The following POLR3G variants were observed in gnomAD, a reference collection of about 807,000 sequenced individuals.
The protein encoded by POLR3G is DNA-directed RNA polymerase III subunit RPC7.
In POLR3G, 28 loss-of-function variants were observed where a neutral mutation model predicts 30.1. That is an observed-to-expected ratio of 0.93 (90% CI 0.69 to 1.27). POLR3G has a LOEUF of 1.27. Among genes scored for constraint, POLR3G ranks in the 50% most tolerant of loss-of-function variants. The pLI is 0.00. For missense variants in POLR3G, 254 were observed against 264.6 expected, an observed-to-expected ratio of 0.96 and a Z score of 0.28; for synonymous variants, 79 against 82.5, an observed-to-expected ratio of 0.96 and a Z score of 0.23.
At chr5:90,495,500 A>C (rs1751937419) in intron 3 of POLR3G, among the ~76,000 whole-genome samples, 177 bp from the exon 4 acceptor site, 2 of 152,308 alleles carry the variant, frequency 1.3e-5, no homozygotes, top group South Asian at 4.1e-4. Flanking sequence ...CCCCTCACCA[A>C]GTCCATCCTT....
In POLR3G at chr5:90,512,741, T is replaced by G. The variant is rs1752796842; in HGVS notation, c.*602T>G. On this transcript the variant is annotated 3_prime_UTR_variant, in exon 8 of 8. Coordinates refer to ENST00000651687, the MANE Select transcript of POLR3G (RefSeq NM_006467.3). ...AACTGAGCAATATAAATTTCACAGC[T>G]CACATCTTAGCCAGTACAAAGAAAC... is the stretch of plus-strand genomic sequence containing the variant. 1 of 152,516 alleles carries G rather than the reference T, an allele frequency of 6.6e-6. No homozygotes were observed. The highest frequency in any genetic ancestry group is 2.4e-5 in the African/African-American group (1 of 41,426). The allele number at this position is 152,516 out of a possible 1,614,324, so 9.4% of individuals were successfully genotyped here.
chr5:90,501,955 C>T lies in POLR3G; in HGVS notation c.405C>T (p.Leu135=), dbSNP rs1198920184. 2 of 1,613,422 alleles carry T rather than the reference C, an allele frequency of 1.2e-6. No individual in the cohort carries two copies. Among genetic ancestry groups the T allele is most frequent in the Non-Finnish European group, 8.5e-7 (1 of 1,179,598 alleles). ...AAGACGCAGGCAAAGGCACACCACT[C>T]ACTAATACTGAAGATGTGTTGAAAA... ...KAKDAGKGTP[L]TNTEDVLKKM... Residue 135 remains leucine (L), a synonymous_variant, in exon 6 of 8, where the codon CTC becomes CTT. Transcript: ENST00000651687.
chr5:90,483,013 G>A (rs1014678859), intron 1 of POLR3G, among the ~76,000 whole-genome samples: 2 of 151,968 alleles, frequency 1.3e-5, no homozygotes, highest in Non-Finnish European at 2.9e-5. Flanking sequence ...GGTGGCGCAC[G>A]CCTGTAATCT....
At chr5:90,483,259 A>G (rs1751240924) in intron 1 of POLR3G, among the ~76,000 whole-genome samples, 1 of 151,932 alleles carries the variant, frequency 6.6e-6, no homozygotes, top group Non-Finnish European at 1.5e-5. Context: ...CTCTTTCTGT[A>G]TTGCAATTCC....
intron 6 of POLR3G, chr5:90,502,219 T>C (rs2151912401): frequency 1.0e-6 from 1 of 984,984 alleles, no homozygotes; most frequent in Admixed American, 6.1e-5. Context: ...CCTCACCTTC[T>C]GTCACCTCTT....
chr5:90,503,390 CA>C (rs1221591497), intron 6 of POLR3G, among the ~76,000 whole-genome samples: 1 of 152,164 alleles, frequency 6.6e-6, no homozygotes, highest in Non-Finnish European at 1.5e-5. Context: ...GATGAAGGAG[CA>C]GTGATAACTG....
chr5:90,512,043 T>C lies in POLR3G; in HGVS notation c.586-10T>C, dbSNP rs757944986. 4 of 1,558,538 alleles carry C rather than the reference T, an allele frequency of 2.6e-6. No individual in the cohort carries two copies. The highest frequency in any genetic ancestry group is 3.5e-6 in the Non-Finnish European group (4 of 1,129,932). On this transcript the variant is annotated splice_polypyrimidine_tract_variant and intron_variant, in intron 7 of 7. Transcript: ENST00000651687. ...TTAACGTTTACAAAGGAATATATCA[T>C]TTCACTTAGGAAAATGACTACATTA...
At chr5:90,488,834 CATT>C (rs1751579384) in intron 3 of POLR3G, among the ~76,000 whole-genome samples, 1 of 152,004 alleles carries the variant, frequency 6.6e-6, no homozygotes, top group African/African-American at 2.4e-5. Context: ...AGAAAGGAAA[CATT>C]ATAGTTGGAG....
chr5:90,495,493 C>T (rs1288511305), intron 3 of POLR3G, among the ~76,000 whole-genome samples, 184 bp from the exon 4 acceptor site: 1 of 152,198 alleles, frequency 6.6e-6, no homozygotes, highest in Non-Finnish European at 1.5e-5. Context: ...TCAGTAACCC[C>T]TCACCAAGTC....
chr5:90,489,471 T>A (rs1751613528), intron 3 of POLR3G, among the ~76,000 whole-genome samples: 1 of 151,854 alleles, frequency 6.6e-6, no homozygotes, highest in Admixed American at 6.6e-5. Flanking sequence ...CCATGTTGGC[T>A]AGGCTGGTCT....
At chr5:90,504,455 G>A (rs1037094005) in intron 6 of POLR3G, among the ~76,000 whole-genome samples, 13 of 151,920 alleles carry the variant, frequency 8.6e-5, no homozygotes, top group Admixed American at 2.6e-4. Flanking sequence ...CCAGTTACTC[G>A]GGAGGCTGAG....
chr5:90,504,915 A>G (rs1358097747), intron 6 of POLR3G, among the ~76,000 whole-genome samples: 2 of 152,218 alleles, frequency 1.3e-5, no homozygotes, highest in African/African-American at 4.8e-5. Flanking sequence ...TAACTCATAT[A>G]AGACAACATA....
At chr5:90,506,791 A>G in intron 7 of POLR3G, 117 bp downstream of exon 7, 1 of 1,361,696 alleles carries the variant, frequency 7.3e-7, no homozygotes, top group Non-Finnish European at 9.6e-7. Flanking sequence ...AACCAGAAGT[A>G]TATTATTATC....
In POLR3G at chr5:90,513,707, T is replaced by C. The variant is rs1187103831; in HGVS notation, c.*1568T>C. On this transcript the variant is annotated 3_prime_UTR_variant, in exon 8 of 8. Coordinates refer to ENST00000651687, the MANE Select transcript of POLR3G (RefSeq NM_006467.3). ...AATTCAAGATGGGTGTGAGGACCTA[T>C]CTTATTAGTTTAGTGCTGTGTTAAC... 1.3e-5 allele frequency: 2 copies of C among 152,338 alleles called. No homozygotes were observed. The highest frequency in any genetic ancestry group is 2.9e-5 in the Non-Finnish European group (2 of 68,030). 9.4% of individuals were successfully genotyped at this position (152,338 alleles called of 1,614,324 possible). A position where few individuals can be genotyped will look rare whatever the true frequency, so the allele number is the denominator to read the frequency against.
At position 90,513,848 on chromosome 5, in the gene POLR3G, C is replaced by A. The variant is rs909919704; in HGVS notation, c.*1709C>A. The A allele has an allele frequency of 1.7e-4, 26 of 152,114 alleles. No individual in the cohort carries two copies. Among genetic ancestry groups the A allele is most frequent in the African/African-American group, 5.8e-4 (24 of 41,428 alleles). 9.4% of individuals were successfully genotyped at this position (152,114 alleles called of 1,614,324 possible). A position where few individuals can be genotyped will look rare whatever the true frequency, so the allele number is the denominator to read the frequency against. ...AAACCTCACAAAAAGTTGTCATTTG[C>A]GGTTGATAATTAACATAGGTGTTTT... is the stretch of plus-strand genomic sequence containing the variant. On this transcript the variant is annotated 3_prime_UTR_variant, in exon 8 of 8. Transcript: ENST00000651687.
In POLR3G at chr5:90,511,146, T is replaced by C. The variant is rs549073247; in HGVS notation, c.586-907T>C. The stretch of plus-strand genomic sequence containing the variant: ...CACCCATCCCATTCCCCGTGCCCCA[T>C]GTGCCTTGGATTCCAAAGAAAATCC... On this transcript the variant is annotated intron_variant, in intron 7 of 7. Coordinates refer to ENST00000651687, the MANE Select transcript of POLR3G (RefSeq NM_006467.3). Among the ~76,000 whole-genome samples, 10 of 152,328 alleles carry C rather than the reference T, an allele frequency of 6.6e-5. No individual in the cohort carries two copies. In the East Asian group the frequency reaches 1.9e-3, roughly 29 times the overall value.
chr5:90,504,099 T>TCTCATTAAATGAGCAATTTTCTC (rs1278705450), intron 6 of POLR3G, among the ~76,000 whole-genome samples: 1 of 152,180 alleles, frequency 6.6e-6, no homozygotes, highest in Non-Finnish European at 1.5e-5. Flanking sequence ...GATCAATTTT[T>TCTCATTAAATGAGCAATTTTCTC]ATTAAAAAGT....
In POLR3G at chr5:90,513,155, A is replaced by G. The variant is rs887717221; in HGVS notation, c.*1016A>G. ...AAATACCTAAAAACCTCAGCCTACA[A>G]AGACTCTCAGAAATGCCAAAGATTT... is the stretch of plus-strand genomic sequence containing the variant. On this transcript the variant is annotated 3_prime_UTR_variant, in exon 8 of 8. Coordinates refer to ENST00000651687, the MANE Select transcript of POLR3G (RefSeq NM_006467.3). The G allele has an allele frequency of 6.6e-6, 1 of 152,538 alleles. No individual in the cohort carries two copies. The highest frequency in any genetic ancestry group is 2.4e-5 in the African/African-American group (1 of 41,450). The allele number at this position is 152,538 out of a possible 1,614,324, so 9.4% of individuals were successfully genotyped here. A position where few individuals can be genotyped will look rare whatever the true frequency, so the allele number is the denominator to read the frequency against.
chr5:90,481,027 C>G (rs983009021), intron 1 of POLR3G, among the ~76,000 whole-genome samples: 3 of 152,064 alleles, frequency 2.0e-5, no homozygotes, highest in Non-Finnish European at 4.4e-5. Flanking sequence ...AACTTTATTT[C>G]AAGGTAACTA....
Sources: allele counts gnomAD v4.1 joint callset (sites outside exome capture counted in the v4.1 genomes callset), GRCh38; gene constraint gnomAD v4.1.1; transcripts MANE v1.5; gene names NCBI Gene and HGNC (gene_info 2026-07-23, HGNC 2026-07-21).